The following NRP1 variants were observed in gnomAD, a reference collection of about 807,000 sequenced individuals.
NRP1 encodes the protein neuropilin 1.
Under a neutral mutation model 106.7 loss-of-function variants are expected in NRP1, and 35 were observed. The observed-to-expected ratio is 0.33, with a 90% confidence interval of 0.25 to 0.43. The LOEUF (loss-of-function observed/expected upper bound fraction) is 0.43, where lower values mean the gene tolerates loss of function less well. Among genes scored for constraint, NRP1 ranks in the 20% least tolerant of loss-of-function variants. The pLI, the probability that NRP1 is intolerant of heterozygous loss-of-function variation, is 1.00. For missense variants in NRP1, 1,024 were observed against 1,170.4 expected, an observed-to-expected ratio of 0.87 and a Z score of 1.83; for synonymous variants, 437 against 417.9, an observed-to-expected ratio of 1.05 and a Z score of -0.56.
At chr10:33,180,537 G>A (rs1403787092) in intron 16 of NRP1, among the ~76,000 whole-genome samples, 172 bp from the exon 17 acceptor site, 2 of 152,110 alleles carry the variant, frequency 1.3e-5, no homozygotes, top group African/African-American at 2.4e-5. Context: ...GGGAGTGGGC[G>A]CTGGGGCTTC....
intron 11 of NRP1, among the ~76,000 whole-genome samples, chr10:33,200,666 A>G (rs2247486): frequency 0.43 from 64,760 of 152,058 alleles, 14,154 homozygotes; most frequent in East Asian, 0.74. Context: ...AGCAAAACCT[A>G]TGCCAGAATT....
At position 33,179,770 on chromosome 10, in the gene NRP1, A is replaced by G. The variant is rs1363470612; in HGVS notation, c.*306T>C. ...AAAAAGAATCCACAAAGGGGAGAGGAGAGAGAGAGAGAGGGGCAGGAGGGG... is the reference window on the plus strand; with the variant it reads ...AAAAAGAATCCACAAAGGGGAGAGGGGAGAGAGAGAGAGGGGCAGGAGGGG... On this transcript the variant is annotated 3_prime_UTR_variant, in exon 17 of 17. Coordinates refer to ENST00000374867, the MANE Select transcript of NRP1 (RefSeq NM_003873.7). The G allele has an allele frequency of 1.3e-5, 3 of 223,432 alleles. No individual in the cohort carries two copies. Among genetic ancestry groups the G allele is most frequent in the East Asian group, 1.0e-4 (1 of 9,922 alleles). 13.8% of individuals were successfully genotyped at this position (223,432 alleles called of 1,614,324 possible).
chr10:33,321,050 G>C (rs1393941411), intron 2 of NRP1, among the ~76,000 whole-genome samples: 1 of 152,204 alleles, frequency 6.6e-6, no homozygotes, highest in Non-Finnish European at 1.5e-5. Flanking sequence ...GCAATGGCCT[G>C]ATCTTGGCTC....
chr10:33,277,069 C>T (rs1843750972), intron 2 of NRP1, among the ~76,000 whole-genome samples: 1 of 149,858 alleles, frequency 6.7e-6, no homozygotes, highest in African/African-American at 2.5e-5. Flanking sequence ...TGTGCCACTG[C>T]ACTCCAGCCT....
At chr10:33,185,317 A>C (rs1216500496) in intron 15 of NRP1, among the ~76,000 whole-genome samples, 2 of 152,182 alleles carry the variant, frequency 1.3e-5, no homozygotes, top group Non-Finnish European at 2.9e-5. Context: ...TGTTCATCAA[A>C]ATGTTTCGGT....
chr10:33,221,078 G>A (rs1839208044), intron 8 of NRP1, among the ~76,000 whole-genome samples: 1 of 151,936 alleles, frequency 6.6e-6, no homozygotes, highest in African/African-American at 2.4e-5. Context: ...CTACACTGGT[G>A]CCCTCATGTT....
At chr10:33,293,267 A>G (rs547003567) in intron 2 of NRP1, among the ~76,000 whole-genome samples, 2 of 152,310 alleles carry the variant, frequency 1.3e-5, no homozygotes, top group Non-Finnish European at 2.9e-5. Context: ...CTTCCCTGGA[A>G]TATTTTTGGC....
At chr10:33,281,531 A>G (rs189070163) in intron 2 of NRP1, among the ~76,000 whole-genome samples, 12 of 152,272 alleles carry the variant, frequency 7.9e-5, no homozygotes, top group South Asian at 2.1e-4. Context: ...CACCTCACAA[A>G]GTGTCACAGG....
At chr10:33,275,579 C>T (rs995348975) in intron 2 of NRP1, among the ~76,000 whole-genome samples, 25 of 150,942 alleles carry the variant, frequency 1.7e-4, no homozygotes, top group Non-Finnish European at 3.7e-4. Context: ...AACAAACAAA[C>T]GAAAACAACA....
At chr10:33,183,721 A>G (rs1835831256) in intron 15 of NRP1, among the ~76,000 whole-genome samples, 1 of 152,230 alleles carries the variant, frequency 6.6e-6, no homozygotes, top group Non-Finnish European at 1.5e-5. Flanking sequence ...TATTTGTTCT[A>G]TGTATGAATG....
chr10:33,219,783 C>A (rs538479878), intron 8 of NRP1, among the ~76,000 whole-genome samples: 1 of 151,422 alleles, frequency 6.6e-6, no homozygotes, highest in Admixed American at 6.6e-5. Context: ...TTTTGACTAA[C>A]ATGTTTGGAG....
intron 10 of NRP1, among the ~76,000 whole-genome samples, 200 bp from the exon 11 acceptor site, chr10:33,203,195 A>T (rs1043622693): frequency 4.6e-5 from 7 of 152,198 alleles, no homozygotes; most frequent in Non-Finnish European, 8.8e-5. Flanking sequence ...TTGTTTTGGT[A>T]TTTGATTCGT....
intron 2 of NRP1, among the ~76,000 whole-genome samples, chr10:33,275,837 G>A (rs1238194554): frequency 6.6e-6 from 1 of 152,012 alleles, no homozygotes; most frequent in Non-Finnish European, 1.5e-5. Flanking sequence ...TTGAGCCCAG[G>A]AGTCTGAGAC....
intron 4 of NRP1, among the ~76,000 whole-genome samples, chr10:33,258,198 A>T (rs1486990941): frequency 6.6e-6 from 1 of 152,224 alleles, no homozygotes; most frequent in Non-Finnish European, 1.5e-5. Context: ...TGGATTGCAC[A>T]GATCCTTGGC....
intron 2 of NRP1, among the ~76,000 whole-genome samples, chr10:33,322,064 T>G (rs1847548543): frequency 6.6e-6 from 1 of 152,180 alleles, no homozygotes; most frequent in Non-Finnish European, 1.5e-5. Context: ...ACTGTATGAA[T>G]GAGGGCGCTG....
rs1835593439 is a variant in NRP1, at chr10:33,180,208, G to A, written c.2640C>T (p.Tyr880=). The change falls in exon 17 of 17, where the codon TAC becomes TAT. Residue 880 remains tyrosine, a synonymous_variant. Transcript: ENST00000374867. ...ACATCCCATTATGCCAACAGGCACAGTACAGCACGACCCCACAGACAGCCC... is the reference window on the plus strand; with the variant it reads ...ACATCCCATTATGCCAACAGGCACAATACAGCACGACCCCACAGACAGCCC... ...LLGAVCGVVL[Y]CACWHNGMSE... The A allele has an allele frequency of 3.7e-6, 6 of 1,613,998 alleles. No homozygotes were observed. In the African/African-American group the frequency reaches 6.7e-5, roughly 18 times the overall value.
intron 2 of NRP1, among the ~76,000 whole-genome samples, chr10:33,287,312 A>G (rs1844639455): frequency 6.6e-6 from 1 of 152,222 alleles, no homozygotes; most frequent in African/African-American, 2.4e-5. Context: ...TTTGAACAGT[A>G]ATAATATTGA....
intron 2 of NRP1, among the ~76,000 whole-genome samples, chr10:33,275,614 C>G (rs1843633176): frequency 6.6e-6 from 1 of 151,812 alleles, no homozygotes; most frequent in Non-Finnish European, 1.5e-5. Flanking sequence ...AAACCATGTT[C>G]AGGCCAGGCG....
chr10:33,259,033 C>T (rs1842395841), intron 4 of NRP1, among the ~76,000 whole-genome samples: 1 of 152,140 alleles, frequency 6.6e-6, no homozygotes, highest in Admixed American at 6.5e-5. Context: ...CAGCCGCTGA[C>T]CTCCCCCAGA....
Sources: gnomAD v4.1 joint callset for allele counts (sites outside exome capture counted in the v4.1 genomes callset) on GRCh38, gnomAD v4.1.1 for gene constraint, MANE v1.5 for transcripts, NCBI Gene and HGNC (gene_info 2026-07-23, HGNC 2026-07-21) for gene names.